DST: variants seen among roughly 807,000 people sequenced by gnomAD.
DST encodes the protein bullous pemphigoid antigen.
DST carries 253 observed loss-of-function variants against 875.2 expected under a neutral mutation model. The ratio of observed to expected loss-of-function variants is 0.29; its 90% CI spans 0.26 to 0.32. The LOEUF (loss-of-function observed/expected upper bound fraction) is 0.32, where lower values mean the gene tolerates loss of function less well. DST is among the 10% of genes least tolerant of loss of function. The pLI is 1.00. For synonymous variants in DST, 3,124 were observed against 3,197.1 expected (o/e 0.98, Z 0.77); for missense variants, 8,287 against 9,111.6 (o/e 0.91, Z 3.68).
chr6:56,538,430 A>AAT (rs1366253790), intron 61 of DST, among the ~76,000 whole-genome samples: 2 of 152,158 alleles, frequency 1.3e-5, no homozygotes, highest in African/African-American at 4.8e-5. Context: ...GCACTATATA[A>AAT]ATATACCAAT....
At chr6:56,824,253 C>G (rs1411936123) in intron 4 of DST, among the ~76,000 whole-genome samples, 1 of 152,200 alleles carries the variant, frequency 6.6e-6, no homozygotes, top group African/African-American at 2.4e-5. Flanking sequence ...GCGAGTGATC[C>G]GCCAGCCTCG....
At chr6:56,764,650 G>A (rs781234353) in intron 4 of DST, among the ~76,000 whole-genome samples, 1 of 151,974 alleles carries the variant, frequency 6.6e-6, no homozygotes, top group Non-Finnish European at 1.5e-5. Flanking sequence ...GAAGGAGTGG[G>A]AAGAACACTA....
At chr6:56,822,954 C>G (rs182777151) in intron 4 of DST, among the ~76,000 whole-genome samples, 5 of 151,894 alleles carry the variant, frequency 3.3e-5, no homozygotes, top group Non-Finnish European at 5.9e-5. Flanking sequence ...CTCAGCCTCC[C>G]GAGTAGCTGG....
chr6:56,620,934 T>C (rs372020784), intron 36 of DST, among the ~76,000 whole-genome samples: 137 of 152,312 alleles, frequency 9.0e-4, no homozygotes, highest in African/African-American at 3.2e-3. Flanking sequence ...CTGAAGAATA[T>C]CTTTTTGCCC....
chr6:56,731,363 C>G (rs572056566), intron 5 of DST, among the ~76,000 whole-genome samples: 36 of 152,328 alleles, frequency 2.4e-4, no homozygotes, highest in African/African-American at 8.7e-4. Context: ...CAGGTGTGCA[C>G]CACTGTGCCT....
intron 9 of DST, among the ~76,000 whole-genome samples, chr6:56,674,118 G>A (rs1398718826): frequency 1.3e-5 from 2 of 152,130 alleles, no homozygotes; most frequent in Admixed American, 6.5e-5. Flanking sequence ...ACAGGTTAAT[G>A]GTTTCACATT....
chr6:56,504,197 A>T, intron 77 of DST, 99 bp from the exon 78 acceptor site: 2 of 745,058 alleles, frequency 2.7e-6, no homozygotes. Flanking sequence ...AATCTAAAAG[A>T]TATTATAGAA....
At chr6:56,929,568 T>G (rs1449664310) in intron 2 of DST, among the ~76,000 whole-genome samples, 1 of 152,222 alleles carries the variant, frequency 6.6e-6, no homozygotes, top group East Asian at 1.9e-4. Context: ...ATTACTTAGA[T>G]TTCCTCTTCC....
At chr6:56,869,124 T>C (rs1308468730) in intron 3 of DST, among the ~76,000 whole-genome samples, 1 of 152,154 alleles carries the variant, frequency 6.6e-6, no homozygotes, top group Non-Finnish European at 1.5e-5. Context: ...TGCTAGAACT[T>C]TGGGGTACAT....
chr6:56,493,210 A>C (rs2095806941), intron 83 of DST, 121 bp from the exon 84 acceptor site: 1 of 757,648 alleles, frequency 1.3e-6, no homozygotes, highest in Non-Finnish European at 2.0e-6. Flanking sequence ...CATATCTATT[A>C]ATATATTAAC....
In DST at chr6:56,608,332, T is replaced by C. The variant is rs758711729; in HGVS notation, c.6296A>G (p.Lys2099Arg). Residue 2099 changes from lysine to arginine, a missense_variant, in exon 40 of 104, where the codon AAA becomes AGA. Coordinates refer to ENST00000680361, the MANE Select transcript of DST (RefSeq NM_001374736.1). ...TATTTTTTGTCTGCCATTCAGGATT[T>C]TGTAGGCCAATTCATTTGTAATCAA... ...QELITNELAYKILNGRQKIAA... is the reference protein window; with the variant it reads ...QELITNELAYRILNGRQKIAA... 8.1e-6 allele frequency: 13 copies of C among 1,612,918 alleles called. No individual in the cohort carries two copies. The highest frequency in any genetic ancestry group is 9.3e-6 in the Non-Finnish European group (11 of 1,179,794).
Position 56,463,578 on chromosome 6 carries a change from G to C in DST, c.22946C>G (p.Thr7649Ser). 6.3e-7 allele frequency: 1 copy of C among 1,589,192 alleles called. No individual in the cohort carries two copies. Reference sequence around the variant, plus strand: ...CCTGAGTCTTACCTTGGGTGTGGTGGTGGCAGGGACCTGTGGGGAGGCCGC... The same window carrying C: ...CCTGAGTCTTACCTTGGGTGTGGTGCTGGCAGGGACCTGTGGGGAGGCCGC... Reference protein sequence around the residue: ...AQAASPQVPATTTPKILHPLT... With the variant: ...AQAASPQVPASTTPKILHPLT... Residue 7649 changes from threonine to serine, a missense_variant, in exon 101 of 104, where the codon ACC becomes AGC. Transcript: ENST00000680361.
chr6:56,501,157 T>G lies in DST; in HGVS notation c.19819A>C (p.Thr6607Pro). The change falls in exon 80 of 104, where the codon ACC becomes CCC. Residue 6607 changes from threonine (T) to proline (P), a missense_variant. Physicochemically the swap from Thr to Pro is conservative, Grantham distance 38. Around this residue, in one of 10 missense-constraint regions of DST, gnomAD observed 1,292 missense variants for 1,552.7 expected, o/e 0.83. Transcript: ENST00000680361. ...TTCTGCTCACTTAGCAAGCCCTCGG[T>G]GTGTGTCAGCCATGCCAGGAGCTCA... ...LDELLAWLTH[T>P]EGLLSEQKPV... is the part of the protein sequence containing the mutation. The G allele has an allele frequency of 6.2e-7, 1 of 1,612,664 alleles. No individual in the cohort carries two copies. The highest frequency in any genetic ancestry group is 8.5e-7 in the Non-Finnish European group (1 of 1,179,242).
chr6:56,779,290 T>G (rs944646980), intron 4 of DST, among the ~76,000 whole-genome samples: 5 of 152,236 alleles, frequency 3.3e-5, no homozygotes, highest in East Asian at 1.9e-4. Context: ...ATTAGCCCTT[T>G]GTCAGATGAG....
chr6:56,742,339 A>T (rs1256763492), intron 4 of DST: 1 of 1,289,626 alleles, frequency 7.8e-7, no homozygotes, highest in Non-Finnish European at 1.0e-6. Context: ...CTGCCCCATC[A>T]TTCTGCAGGA....
chr6:56,517,962 C>A (rs1328269406), intron 69 of DST, among the ~76,000 whole-genome samples: 1 of 152,070 alleles, frequency 6.6e-6, no homozygotes, highest in African/African-American at 2.4e-5. Context: ...CAGCCAGGTA[C>A]CATCTTTTAA....
chr6:56,562,243 T>G, intron 55 of DST, 43 bp from the exon 56 acceptor site: 1 of 1,353,386 alleles, frequency 7.4e-7, no homozygotes, highest in Admixed American at 2.2e-5. Flanking sequence ...TTTCATAGTA[T>G]TTCTATACAT....
In DST at chr6:56,604,373, G is replaced by A; in HGVS notation, c.10255C>T (p.Pro3419Ser). 1 of 1,611,926 alleles carries A rather than the reference G, an allele frequency of 6.2e-7. No individual in the cohort carries two copies. Among genetic ancestry groups the A allele is most frequent in the South Asian group, 1.1e-5 (1 of 90,932 alleles). ...TTTAGTTCTGATGAGTTAGTCATGG[G>A]GGAAACTCCAGAAGAGTCACTCATT... ...SQMSDSSGVSPMTNSSELKPE... is the reference protein window; with the variant it reads ...SQMSDSSGVSSMTNSSELKPE... Residue 3419 changes from proline to serine, a missense_variant, in exon 40 of 104, where the codon CCC becomes TCC. By Grantham distance (74) the Pro-to-Ser change is moderately conservative (BLOSUM62 -1). This residue lies in a region of DST where 3,138 missense variants were observed against 3,116.6 expected (regional missense o/e 1.01). Transcript: ENST00000680361.
intron 43 of DST, chr6:56,601,880 T>C: frequency 2.1e-6 from 1 of 485,702 alleles, no homozygotes; most frequent in African/African-American, 2.0e-5. Context: ...TAGTTAGTAT[T>C]ATATAAAAAG....
Sources: gnomAD v4.1 joint callset for allele counts (sites outside exome capture counted in the v4.1 genomes callset) on GRCh38, gnomAD v4.1.1 for gene constraint, gnomAD v4.1.1 regional missense constraint, MANE v1.5 for transcripts, NCBI Gene and HGNC (gene_info 2026-07-23, HGNC 2026-07-21) for gene names.